STK35: variants seen among roughly 807,000 people sequenced by gnomAD.
STK35 encodes serine/threonine kinase 35, also known as serine/threonine-protein kinase 35.
In STK35, 17 loss-of-function variants were observed where a neutral mutation model predicts 37.3. The ratio of observed to expected loss-of-function variants is 0.46; its 90% confidence interval spans 0.31 to 0.68. STK35 has a LOEUF of 0.68. STK35 is among the 30% of genes least tolerant of loss of function. The pLI is 0.05. For synonymous variants in STK35, 385 were observed against 319.1 expected, an observed-to-expected ratio of 1.21 and a Z score of -2.20; for missense variants, 595 against 746.7, an observed-to-expected ratio of 0.80 and a Z score of 2.37.
At chr20:2,103,985 CT>C (rs1221932218) in intron 2 of STK35, among the ~76,000 whole-genome samples, 1 of 152,212 alleles carries the variant, frequency 6.6e-6, no homozygotes, top group Non-Finnish European at 1.5e-5. Flanking sequence ...CACAGGTGGC[CT>C]GAGAGCTGTC....
At position 2,102,062 on chromosome 20, in the gene STK35, G is replaced by A. The variant is rs1195677673; in HGVS notation, c.181G>A (p.Ala61Thr). The part of the protein sequence containing the change: ...EGSATRRARA[A>T]TSRAARSRRQ... Reference sequence around the variant, plus strand: ...ATCCGCTACACGCCGGGCTCGGGCCGCCACCTCCCGCGCTGCTCGGTCCCG... The same window carrying A: ...ATCCGCTACACGCCGGGCTCGGGCCACCACCTCCCGCGCTGCTCGGTCCCG... The change falls in exon 1 of 4, where the codon GCC becomes ACC. Residue 61 changes from alanine (A) to threonine (T), a missense_variant. Transcript: ENST00000381482. 4.6e-6 allele frequency: 7 copies of A among 1,521,984 alleles called. No individual in the cohort carries two copies. The South Asian group carries it at 8.4e-5, about 18-fold the overall frequency. 94.3% of individuals were successfully genotyped at this position (1,521,984 alleles called of 1,614,324 possible).
intron 3 of STK35, among the ~76,000 whole-genome samples, chr20:2,133,165 C>A (rs1225229556): frequency 6.6e-6 from 1 of 152,126 alleles, no homozygotes; most frequent in African/African-American, 2.4e-5. Context: ...TCCATGTGGA[C>A]CTCTCTGTGG....
chr20:2,140,183 T>A (rs1440575628), intron 3 of STK35, among the ~76,000 whole-genome samples: 2 of 152,148 alleles, frequency 1.3e-5, no homozygotes, highest in Non-Finnish European at 2.9e-5. Context: ...ACATCACCAC[T>A]TTTCATTATG....
chr20:2,102,948 G>A lies in STK35; in HGVS notation c.475G>A (p.Ala159Thr), dbSNP rs1162824219. 9 of 1,495,458 alleles carry A rather than the reference G, an allele frequency of 6.0e-6. No homozygotes were observed. Among genetic ancestry groups the A allele is most frequent in the Non-Finnish European group, 8.0e-6 (9 of 1,128,416 alleles). The allele number at this position is 1,495,458 out of a possible 1,614,324, so 92.6% of individuals were successfully genotyped here. A position where few individuals can be genotyped will look rare whatever the true frequency, so the allele number is the denominator to read the frequency against. The change falls in exon 2 of 4, where the codon GCG (alanine) becomes ACG (threonine). Residue 159 changes from alanine to threonine, a missense_variant. By Grantham distance (58) the Ala-to-Thr change is moderately conservative. Coordinates refer to ENST00000381482, the MANE Select transcript of STK35 (RefSeq NM_080836.4). ...GAAAAGGCGAAGCCCAGTGCCGCGG[G>A]CGCCCAGCACGAAGCTGAGGCCGGC... ...ERKRRSPVPR[A>T]PSTKLRPAAA...
rs992831774 is a variant in STK35 at position 2,128,864 on chromosome 20, T to G, written c.*37+11449T>G. ...AATCTGTGGGGGGTTTTTTTTGAGG[T>G]GGAGTCTCGCTCTGTTGCCAGGCTG... On this transcript the variant is annotated intron_variant, in intron 3 of 3. Coordinates refer to ENST00000381482, the MANE Select transcript of STK35 (RefSeq NM_080836.4). 7.2e-5 allele frequency among the ~76,000 whole-genome samples: 11 copies of G among 152,138 alleles called. No homozygotes were observed. In the South Asian group the frequency reaches 8.3e-4, roughly 11 times the overall value.
At chr20:2,109,191 G>C (rs1192628471) in intron 2 of STK35, among the ~76,000 whole-genome samples, 3 of 152,162 alleles carry the variant, frequency 2.0e-5, no homozygotes, top group Non-Finnish European at 4.4e-5. Context: ...TGCTCTGGGT[G>C]AATCAGCTGC....
At chr20:2,132,010 C>T (rs992849841) in intron 3 of STK35, among the ~76,000 whole-genome samples, 5 of 152,134 alleles carry the variant, frequency 3.3e-5, no homozygotes, top group East Asian at 1.9e-4. Flanking sequence ...GCAGGCTCAG[C>T]GTCAGTACTC....
chr20:2,113,150 T>C (rs1985651524), intron 2 of STK35, among the ~76,000 whole-genome samples: 2 of 152,116 alleles, frequency 1.3e-5, no homozygotes, highest in Non-Finnish European at 2.9e-5. Context: ...CCCCTAAAGT[T>C]TGATTACTTT....
intron 3 of STK35, among the ~76,000 whole-genome samples, chr20:2,120,786 C>T (rs959291417): frequency 2.0e-4 from 30 of 152,264 alleles, no homozygotes; most frequent in Admixed American, 1.8e-3. Context: ...AACATTCGTT[C>T]TGTTGGGAAG....
chr20:2,129,590 CCT>C (rs982111202), intron 3 of STK35, among the ~76,000 whole-genome samples: 9 of 152,208 alleles, frequency 5.9e-5, no homozygotes, highest in African/African-American at 2.2e-4. Flanking sequence ...GTAGTGGGTG[CCT>C]CTATTAATAA....
At chr20:2,104,816 T>A (rs1290593334) in intron 2 of STK35, among the ~76,000 whole-genome samples, 3 of 152,098 alleles carry the variant, frequency 2.0e-5, no homozygotes, top group East Asian at 3.9e-4. Context: ...CCCCATCCAT[T>A]CTGAGAAGCC....
chr20:2,108,465 G>T (rs1432275968), intron 2 of STK35, among the ~76,000 whole-genome samples: 2 of 152,148 alleles, frequency 1.3e-5, no homozygotes, highest in Non-Finnish European at 2.9e-5. Context: ...AGCTGAGATC[G>T]CATCAGTGCA....
intron 3 of STK35, among the ~76,000 whole-genome samples, chr20:2,138,260 C>A (rs1045802588): frequency 2.0e-5 from 3 of 152,114 alleles, no homozygotes; most frequent in Non-Finnish European, 2.9e-5. Context: ...TTAACTAAAT[C>A]TGAGAGTCAG....
At chr20:2,114,649 C>T (rs1985681849) in intron 2 of STK35, among the ~76,000 whole-genome samples, 3 of 152,178 alleles carry the variant, frequency 2.0e-5, no homozygotes, top group Admixed American at 2.0e-4. Flanking sequence ...CCAGTCTCCC[C>T]CAACCACTCA....
In STK35 at chr20:2,103,237, A is replaced by G. The variant is rs1417893330; in HGVS notation, c.764A>G (p.Lys255Arg). 1.2e-6 allele frequency: 2 copies of G among 1,613,114 alleles called. No homozygotes were observed. Among genetic ancestry groups the G allele is most frequent in the Admixed American group, 1.7e-5 (1 of 59,984 alleles). The stretch of plus-strand genomic sequence containing the variant: ...GAATTCTGGGCCCTCACCAGCCTCA[A>G]GCGGCGCCACCAGAACGTCGTGCAG... Reference protein sequence around the residue: ...LAEFWALTSLKRRHQNVVQFE... With the variant: ...LAEFWALTSLRRRHQNVVQFE... Residue 255 changes from lysine to arginine, a missense_variant, in exon 2 of 4, where the codon AAG (lysine) becomes AGG (arginine). By Grantham distance (26) the Lys-to-Arg change is conservative. This residue lies in a region of STK35 where 97 missense variants were observed against 146.4 expected (regional missense o/e 0.66). Transcript: ENST00000381482.
At chr20:2,107,412 T>C (rs1173653340) in intron 2 of STK35, among the ~76,000 whole-genome samples, 1 of 152,230 alleles carries the variant, frequency 6.6e-6, no homozygotes, top group Non-Finnish European at 1.5e-5. Context: ...TGCCTTTAGG[T>C]GGCTGGGAAC....
intron 2 of STK35, among the ~76,000 whole-genome samples, chr20:2,115,468 A>G (rs903692603): frequency 1.3e-5 from 2 of 152,002 alleles, no homozygotes; most frequent in African/African-American, 4.8e-5. Flanking sequence ...TGACCTTGTG[A>G]CCACCCAGAA....
chr20:2,103,470 C>T, intron 2 of STK35, 105 bp downstream of exon 2: 2 of 1,059,868 alleles, frequency 1.9e-6, no homozygotes, highest in East Asian at 2.6e-5. Context: ...CAGACCTGGT[C>T]CCTGTCACCC....
intron 3 of STK35, among the ~76,000 whole-genome samples, chr20:2,141,916 G>C (rs1282697772): frequency 6.6e-6 from 1 of 152,140 alleles, no homozygotes; most frequent in Non-Finnish European, 1.5e-5. Context: ...ATATTTCAGT[G>C]AACTTCTTTA....
Sources: gnomAD v4.1 joint callset for allele counts (sites outside exome capture counted in the v4.1 genomes callset) on GRCh38, gnomAD v4.1.1 for gene constraint, gnomAD v4.1.1 regional missense constraint, MANE v1.5 for transcripts, NCBI Gene and HGNC (gene_info 2026-07-23, HGNC 2026-07-21) for gene names.